Variants in TMEM74 observed in about 807,000 individuals in gnomAD.
TMEM74 encodes the protein transmembrane protein 74.
A neutral mutation model predicts 18.1 loss-of-function variants in TMEM74; 13 were observed. The observed-to-expected ratio is 0.72, with a 90% CI of 0.47 to 1.14. The LOEUF (loss-of-function observed/expected upper bound fraction) is 1.14. Ranked by LOEUF, TMEM74 falls within the 50% of genes most tolerant of loss-of-function variation. The pLI is 0.00. For missense variants in TMEM74, 372 were observed against 375.9 expected, an observed-to-expected ratio of 0.99 and a Z score of 0.09; for synonymous variants, 159 against 146.6, an observed-to-expected ratio of 1.08 and a Z score of -0.61.
chr8:108,640,056 G>A (rs868559146), intron 2 of TMEM74, among the ~76,000 whole-genome samples: 1 of 148,292 alleles, frequency 6.7e-6, no homozygotes, highest in South Asian at 2.1e-4. Context: ...TGTCTCATTC[G>A]TAACCCCCTC....
chr8:108,770,112 T>C (rs1344454557), intron 1 of TMEM74, among the ~76,000 whole-genome samples: 2 of 152,146 alleles, frequency 1.3e-5, no homozygotes, highest in Non-Finnish European at 2.9e-5. Flanking sequence ...CAATAGATCT[T>C]GTCAGAAATG....
At chr8:108,688,681 A>G (rs1813195885) in intron 1 of TMEM74, among the ~76,000 whole-genome samples, 1 of 152,238 alleles carries the variant, frequency 6.6e-6, no homozygotes, top group African/African-American at 2.4e-5. Context: ...ACTTTAAAAC[A>G]AAGGAAATGA....
intron 1 of TMEM74, among the ~76,000 whole-genome samples, chr8:108,662,336 GAACA>G (rs1391583709): frequency 1.3e-5 from 2 of 152,118 alleles, no homozygotes; most frequent in East Asian, 3.9e-4. Flanking sequence ...GGCAGTGAGG[GAACA>G]AACAGAGACA....
chr8:108,621,938 T>C (rs1385724239), intron 2 of TMEM74, among the ~76,000 whole-genome samples: 1 of 152,154 alleles, frequency 6.6e-6, no homozygotes, highest in Non-Finnish European at 1.5e-5. Flanking sequence ...ATGATGGAGA[T>C]GCATATTGCC....
intron 1 of TMEM74, among the ~76,000 whole-genome samples, chr8:108,716,561 G>C (rs1813525175): frequency 6.6e-6 from 1 of 151,974 alleles, no homozygotes; most frequent in South Asian, 2.1e-4. Context: ...GTTACAGTGA[G>C]AGGAAAATTT....
chr8:108,739,309 T>C (rs1326716332), intron 1 of TMEM74, among the ~76,000 whole-genome samples: 1 of 152,200 alleles, frequency 6.6e-6, no homozygotes, highest in Non-Finnish European at 1.5e-5. Flanking sequence ...GTGGGGGCAC[T>C]GGGCAATACA....
At chr8:108,670,005 T>A (rs764591971) in intron 1 of TMEM74, among the ~76,000 whole-genome samples, 4 of 132,648 alleles carry the variant, frequency 3.0e-5, no homozygotes, top group Non-Finnish European at 4.6e-5. Flanking sequence ...ACCACTGCAC[T>A]CTAGCCTGGA....
chr8:108,678,282 G>A (rs1047704846), intron 1 of TMEM74, among the ~76,000 whole-genome samples: 3 of 152,086 alleles, frequency 2.0e-5, no homozygotes, highest in Non-Finnish European at 4.4e-5. Flanking sequence ...TTTGAAAACT[G>A]GCTTTGATAA....
chr8:108,689,994 A>G (rs80058025), intron 1 of TMEM74, among the ~76,000 whole-genome samples: 1,646 of 152,324 alleles, frequency 0.011, 11 homozygotes, highest in Non-Finnish European at 0.016. Flanking sequence ...AAGGATAAAC[A>G]ACTTTTTTAT....
chr8:108,712,853 G>A (rs1813487421), intron 1 of TMEM74, among the ~76,000 whole-genome samples: 1 of 152,160 alleles, frequency 6.6e-6, no homozygotes, highest in Non-Finnish European at 1.5e-5. Flanking sequence ...AAGAAACTGG[G>A]GATGGAGTGA....
intron 1 of TMEM74, among the ~76,000 whole-genome samples, chr8:108,738,480 G>A (rs950314505): frequency 7.9e-5 from 12 of 152,116 alleles, no homozygotes; most frequent in African/African-American, 2.9e-4. Flanking sequence ...TGGCCAATAT[G>A]AGATAACTGA....
At chr8:108,654,757 G>GTT (rs36003094) in intron 2 of TMEM74, among the ~76,000 whole-genome samples, 6 of 147,646 alleles carry the variant, frequency 4.1e-5, no homozygotes, top group African/African-American at 1.5e-4. Flanking sequence ...TTTACCAAGT[G>GTT]TTTTTTTTTT....
chr8:108,690,126 G>T (rs1441761598), intron 1 of TMEM74, among the ~76,000 whole-genome samples: 2 of 149,750 alleles, frequency 1.3e-5, no homozygotes, highest in African/African-American at 2.4e-5. Context: ...TGTATGTAGT[G>T]CTACTCAGTC....
At chr8:108,708,254 CTTT>C (rs35851810) in intron 1 of TMEM74, among the ~76,000 whole-genome samples, 6 of 143,348 alleles carry the variant, frequency 4.2e-5, no homozygotes, top group Admixed American at 1.4e-4. Context: ...TATGTAACAC[CTTT>C]TTTTTTTTTT....
intron 2 of TMEM74, among the ~76,000 whole-genome samples, chr8:108,619,473 G>A (rs1434119566): frequency 6.6e-6 from 1 of 152,224 alleles, no homozygotes; most frequent in African/African-American, 2.4e-5. Context: ...CACCAAAGAA[G>A]TGCATGGGCC....
chr8:108,674,617 C>T (rs775061554), intron 1 of TMEM74, among the ~76,000 whole-genome samples: 9 of 152,160 alleles, frequency 5.9e-5, no homozygotes, highest in Non-Finnish European at 1.2e-4. Context: ...CAGGCCTTGT[C>T]GGTAGATTAT....
Position 108,613,771 on chromosome 8 carries a change from C to T in TMEM74, n.265-4945G>A, listed in dbSNP as rs76164440. On this transcript the variant is annotated intron_variant and non_coding_transcript_variant, in intron 2 of 3. Transcript: ENST00000518838. ...CTTTTCATCTTGGCTAGACACATTC[C>T]CCAGGGCTCTAGACCTTACATCAAA... 1.0e-2 allele frequency among the ~76,000 whole-genome samples: 1,519 copies of T among 152,256 alleles called. 30 individuals are homozygous for T. Among genetic ancestry groups the T allele is most frequent in the African/African-American group, 0.035 (1,463 of 41,546 alleles).
rs138081771 is a variant in TMEM74, at chr8:108,670,137, G to T, written n.120-14700C>A. On this transcript the variant is annotated intron_variant and non_coding_transcript_variant, in intron 1 of 3. Coordinates refer to the TMEM74 transcript ENST00000518838. ...GAAAACTATTCATAGTATAGTAGAAGTATAAATAAAATGTTCACTCTGAAT... is the reference window on the plus strand; with the variant it reads ...GAAAACTATTCATAGTATAGTAGAATTATAAATAAAATGTTCACTCTGAAT... Among the ~76,000 whole-genome samples, 199 of 150,684 alleles carry T rather than the reference G, an allele frequency of 1.3e-3. 2 individuals carry two copies. Among genetic ancestry groups the T allele is most frequent in the Non-Finnish European group, 1.4e-3 (93 of 67,826 alleles).
intron 1 of TMEM74, among the ~76,000 whole-genome samples, chr8:108,731,910 A>G (rs1191081552): frequency 6.6e-6 from 1 of 152,030 alleles, no homozygotes; most frequent in Non-Finnish European, 1.5e-5. Context: ...GAAGGGAAGT[A>G]TGGAAAAAAA....
Sources: gnomAD v4.1 joint callset for allele counts (sites outside exome capture counted in the v4.1 genomes callset) on GRCh38, gnomAD v4.1.1 for gene constraint, MANE v1.5 for transcripts, NCBI Gene and HGNC (gene_info 2026-07-23, HGNC 2026-07-21) for gene names.